The following SORL1-AS1 variants were observed in gnomAD, a reference collection of about 807,000 sequenced individuals.
SORL1-AS1 encodes the protein SORL1 antisense RNA 1, also known as lncRNA 51 A.
rs755840943 is a variant in SORL1-AS1 at position 121,452,535 on chromosome 11, G to C, written n.339+140C>G. ...TGTGGGCGCGCGGGGATGCCAGGGG[G>C]GCGAGCCGCGCGGACGAGAAGCCGC... On this transcript the variant is annotated intron_variant and non_coding_transcript_variant, in intron 1 of 1. Coordinates refer to ENST00000501964, the Ensembl canonical transcript of SORL1-AS1. This position sits in a 1 kb window ranked among gnomAD's most constrained non-coding sequence, Gnocchi z 5.3. 2.7e-6 allele frequency: 4 copies of C among 1,489,588 alleles called. No homozygotes were observed. The South Asian group carries it at 3.8e-5, about 14-fold the overall frequency. The allele number at this position is 1,489,588 out of a possible 1,614,324, so 92.3% of individuals were successfully genotyped here.
At chr11:121,447,143 C>G (rs1366468364), downstream of SORL1-AS1, among the ~76,000 whole-genome samples, 1 of 152,098 alleles carries the variant, frequency 6.6e-6, no homozygotes, top group East Asian at 1.9e-4. Context: ...TGTCTTATGT[C>G]AGGAGGTTTG....
rs1329663815 is a variant in SORL1-AS1 at position 121,450,336 on chromosome 11, C to A, written n.340-437G>T. 6.6e-6 allele frequency among the ~76,000 whole-genome samples: 1 copy of A among 152,084 alleles called. No homozygotes were observed. Among genetic ancestry groups the A allele is most frequent in the African/African-American group, 2.4e-5 (1 of 41,424 alleles). Reference sequence around the variant, plus strand: ...GGTCCTGAGAGACCATGGGGTTGTCCATTCCTGGTAAGGTGATGCTGACCA... The same window carrying A: ...GGTCCTGAGAGACCATGGGGTTGTCAATTCCTGGTAAGGTGATGCTGACCA... On this transcript the variant is annotated intron_variant and non_coding_transcript_variant, in intron 1 of 1. Coordinates refer to ENST00000501964, the Ensembl canonical transcript of SORL1-AS1. This position sits in a 1 kb window ranked among gnomAD's most constrained non-coding sequence, Gnocchi z 5.2.
chr11:121,441,530 CAAA>C, the SORL1-AS1 span, among the ~76,000 whole-genome samples: 3 of 52,368 alleles, frequency 5.7e-5, no homozygotes, highest in Admixed American at 2.2e-4. Context: ...GACTCTGTCT[CAAA>C]AAAAAAAAAA....
At chr11:121,451,104 A>G (rs548592457) in intron 1 of SORL1-AS1, among the ~76,000 whole-genome samples, 1 of 152,332 alleles carries the variant, frequency 6.6e-6, no homozygotes, top group Non-Finnish European at 1.5e-5. Context: ...CTTGTATGCA[A>G]CTATAAAGGT....
downstream of SORL1-AS1, among the ~76,000 whole-genome samples, chr11:121,446,897 CA>C (rs1860731692): frequency 6.6e-6 from 1 of 152,192 alleles, no homozygotes; most frequent in South Asian, 2.1e-4. Flanking sequence ...GTGCTGTGTC[CA>C]AGCTGATTGG....
In SORL1-AS1 at chr11:121,450,644, C is replaced by T. The variant is rs181853642; in HGVS notation, n.340-745G>A. On this transcript the variant is annotated intron_variant and non_coding_transcript_variant, in intron 1 of 1. Coordinates refer to ENST00000501964, the Ensembl canonical transcript of SORL1-AS1. The surrounding 1 kb of genome is among the most constrained non-coding windows in gnomAD (Gnocchi z 5.2). ...ATGAAGGCACCCCAATAATACCACA[C>T]TGGGGAAAGTGTGGTATTTTGATAC... Among the ~76,000 whole-genome samples the T allele has an allele frequency of 2.0e-5, 3 of 152,146 alleles. No individual in the cohort carries two copies. Among genetic ancestry groups the T allele is most frequent in the East Asian group, 1.9e-4 (1 of 5,176 alleles).
Position 121,450,554 on chromosome 11 carries a change from C to G in SORL1-AS1, n.340-655G>C, listed in dbSNP as rs891776369. Among the ~76,000 whole-genome samples, 36 of 152,080 alleles carry G rather than the reference C, an allele frequency of 2.4e-4. No individual in the cohort carries two copies. Among genetic ancestry groups the G allele is most frequent in the African/African-American group, 8.2e-4 (34 of 41,372 alleles). ...GTTCCTCTCAGCTTCAAAACCAGCTCTGGGTTGTAAACAAGCTACCACTTC... is the reference window on the plus strand; with the variant it reads ...GTTCCTCTCAGCTTCAAAACCAGCTGTGGGTTGTAAACAAGCTACCACTTC... On this transcript the variant is annotated intron_variant and non_coding_transcript_variant, in intron 1 of 1. Coordinates refer to ENST00000501964, the Ensembl canonical transcript of SORL1-AS1. This position sits in a 1 kb window ranked among gnomAD's most constrained non-coding sequence, Gnocchi z 5.2.
chr11:121,442,907 T>A (rs1205348601), downstream of SORL1-AS1, among the ~76,000 whole-genome samples: 1 of 150,696 alleles, frequency 6.6e-6, no homozygotes, highest in African/African-American at 2.4e-5. Flanking sequence ...CTTGATCTCC[T>A]GACCTCGTGA....
the SORL1-AS1 span, among the ~76,000 whole-genome samples, chr11:121,438,631 C>T: frequency 6.6e-6 from 1 of 152,058 alleles, no homozygotes; most frequent in Non-Finnish European, 1.5e-5. Context: ...TAATAGTTTG[C>T]TCCTTTTTAT....
the SORL1-AS1 span, among the ~76,000 whole-genome samples, chr11:121,438,291 C>T: frequency 6.6e-6 from 1 of 152,094 alleles, no homozygotes; most frequent in South Asian, 2.1e-4. Flanking sequence ...CTCATTTCAT[C>T]CCTTTATTTT....
At chr11:121,441,530 C>CAAAAAAAAAAAA in the SORL1-AS1 span, among the ~76,000 whole-genome samples, 196 of 52,340 alleles carry the variant, frequency 3.7e-3, 11 homozygotes, top group African/African-American at 0.014. Context: ...GACTCTGTCT[C>CAAAAAAAAAAAA]AAAAAAAAAA....
chr11:121,448,846 G>C (rs1019524798), exon 2 of SORL1-AS1: 1 of 152,150 alleles, frequency 6.6e-6, no homozygotes, highest in Non-Finnish European at 1.5e-5. Context: ...AAGGCTACAG[G>C]GGACTAGAGC....
At position 121,452,638 on chromosome 11, in the gene SORL1-AS1, C is replaced by T. The variant is rs911037333; in HGVS notation, n.339+37G>A. ...ACAGGTGAGCAGTTTTGCAACCCGC[C>T]TCCCTCCAGTTTTTTCCTCTCCCTG... On this transcript the variant is annotated intron_variant and non_coding_transcript_variant, in intron 1 of 1. Coordinates refer to ENST00000501964, the Ensembl canonical transcript of SORL1-AS1. The surrounding 1 kb of genome is among the most constrained non-coding windows in gnomAD (Gnocchi z 5.3). 14 of 1,437,614 alleles carry T rather than the reference C, an allele frequency of 9.7e-6. No homozygotes were observed. The highest frequency in any genetic ancestry group is 1.5e-5 in the African/African-American group (1 of 67,530). 89.1% of individuals were successfully genotyped at this position (1,437,614 alleles called of 1,614,324 possible).
At chr11:121,440,108 C>T in the SORL1-AS1 span, among the ~76,000 whole-genome samples, 1 of 152,174 alleles carries the variant, frequency 6.6e-6, no homozygotes, top group Non-Finnish European at 1.5e-5. Context: ...CATGGTGGCT[C>T]ATGCCTGTAA....
downstream of SORL1-AS1, among the ~76,000 whole-genome samples, chr11:121,442,674 T>TTTATTTATTTATTTATTTAC (rs1860671819): frequency 7.1e-6 from 1 of 141,568 alleles, no homozygotes; most frequent in African/African-American, 2.7e-5. Context: ...TATTTATTTA[T>TTTATTTATTTATTTATTTAC]TTATTTATTT....
At chr11:121,451,236 T>C (rs1860786106) in intron 1 of SORL1-AS1, among the ~76,000 whole-genome samples, 1 of 152,206 alleles carries the variant, frequency 6.6e-6, no homozygotes, top group Non-Finnish European at 1.5e-5. Context: ...AGACTTTGGC[T>C]GCTCCCACTA....
downstream of SORL1-AS1, among the ~76,000 whole-genome samples, chr11:121,442,641 TTTTA>T (rs369945985): frequency 0.16 from 20,929 of 127,266 alleles, 1,888 homozygotes; most frequent in East Asian, 0.27. Context: ...TCTCTCTCTC[TTTTA>T]TTTATTTATT....
chr11:121,451,365 C>T (rs1860789719), intron 1 of SORL1-AS1, among the ~76,000 whole-genome samples: 1 of 152,196 alleles, frequency 6.6e-6, no homozygotes, highest in Non-Finnish European at 1.5e-5. Flanking sequence ...AGTGTGTCCT[C>T]CCTCCTCTGT....
chr11:121,452,255 G>C lies in SORL1-AS1; in HGVS notation n.339+420C>G, dbSNP rs1860808325. 9 of 1,249,340 alleles carry C rather than the reference G, an allele frequency of 7.2e-6. No homozygotes were observed. 77.4% of individuals were successfully genotyped at this position (1,249,340 alleles called of 1,614,324 possible). On this transcript the variant is annotated intron_variant and non_coding_transcript_variant, in intron 1 of 1. Coordinates refer to ENST00000501964, the Ensembl canonical transcript of SORL1-AS1. This position sits in a 1 kb window ranked among gnomAD's most constrained non-coding sequence, Gnocchi z 5.3. ...CCCGGGAGCGGCGCGCGCGGTCCCG[G>C]CCCAGCGGCTCTCCTGGCCTCGCGC...
Sources: allele counts gnomAD v4.1 joint callset (sites outside exome capture counted in the v4.1 genomes callset), GRCh38; gene constraint gnomAD v4.1.1; non-coding constraint Gnocchi (gnomAD v3.1); transcripts MANE v1.5; gene names NCBI Gene and HGNC (gene_info 2026-07-23, HGNC 2026-07-21).